PMEPA1: variants seen among roughly 807,000 people sequenced by gnomAD.
The protein encoded by PMEPA1 is prostate transmembrane protein, androgen induced 1.
In PMEPA1, 11 loss-of-function variants were observed where a neutral mutation model predicts 23.0. The observed-to-expected ratio is 0.48, with a 90% CI of 0.30 to 0.79. The LOEUF (loss-of-function observed/expected upper bound fraction) is 0.79. Among genes scored for constraint, PMEPA1 ranks in the 30% least tolerant of loss-of-function variants. The pLI, the probability that PMEPA1 is intolerant of heterozygous loss-of-function variation, is 0.06. For synonymous variants in PMEPA1, 204 were observed against 166.4 expected (o/e 1.23, Z -1.74); for missense variants, 377 against 390.9 (o/e 0.96, Z 0.30).
intron 1 of PMEPA1, among the ~76,000 whole-genome samples, chr20:57,705,543 C>T (rs533174821): frequency 2.6e-4 from 39 of 152,276 alleles, no homozygotes; most frequent in Middle Eastern, 3.4e-3. Context: ...AAGACGAAAA[C>T]GGGAAAACTT....
chr20:57,654,519 C>G (rs544413638), intron 2 of PMEPA1, among the ~76,000 whole-genome samples: 2 of 152,226 alleles, frequency 1.3e-5, no homozygotes, highest in East Asian at 3.9e-4. Context: ...TTAAGGAGGT[C>G]TTAACTGCCT....
rs1258123996 is a variant in PMEPA1, at chr20:57,656,971, G to A, written c.264+2572C>T. Among the ~76,000 whole-genome samples, 1 of 152,216 alleles carries A rather than the reference G, an allele frequency of 6.6e-6. No homozygotes were observed. Among genetic ancestry groups the A allele is most frequent in the South Asian group, 2.1e-4 (1 of 4,832 alleles). On this transcript the variant is annotated intron_variant, in intron 2 of 3. Transcript: ENST00000341744. This position sits in a 1 kb window ranked among gnomAD's most constrained non-coding sequence, Gnocchi z 4.7. ...GGGGAGCTGCCACATTCTGCTTTAGGCCTAGTGAGGCTCCACGTTTACCCA... is the reference window on the plus strand; with the variant it reads ...GGGGAGCTGCCACATTCTGCTTTAGACCTAGTGAGGCTCCACGTTTACCCA...
intron 1 of PMEPA1, among the ~76,000 whole-genome samples, chr20:57,668,639 C>T (rs2071526261): frequency 6.6e-6 from 1 of 152,214 alleles, no homozygotes; most frequent in Non-Finnish European, 1.5e-5. Context: ...CAGAGTGAAA[C>T]AGCAAACTCT....
intron 1 of PMEPA1, among the ~76,000 whole-genome samples, chr20:57,660,089 G>A (rs1020372094): frequency 1.3e-5 from 2 of 152,178 alleles, no homozygotes; most frequent in African/African-American, 2.4e-5. Flanking sequence ...GGAGCCCTGC[G>A]CACTGGCTCC....
At chr20:57,706,343 G>C (rs1435529695) in intron 1 of PMEPA1, among the ~76,000 whole-genome samples, 1 of 152,194 alleles carries the variant, frequency 6.6e-6, no homozygotes, top group East Asian at 1.9e-4. Context: ...AGATGAGGTT[G>C]CCAGGAAAAC....
intron 1 of PMEPA1, among the ~76,000 whole-genome samples, chr20:57,707,860 A>C (rs186638535): frequency 6.6e-4 from 100 of 152,286 alleles, no homozygotes; most frequent in African/African-American, 2.4e-3. Context: ...ACGTGTGCGA[A>C]CGTATTTTAA....
chr20:57,681,349 G>C (rs1341183576), intron 1 of PMEPA1, among the ~76,000 whole-genome samples: 5 of 152,158 alleles, frequency 3.3e-5, no homozygotes, highest in Admixed American at 3.3e-4. Context: ...ACCCTGCATG[G>C]GCCTCCTTCC....
At chr20:57,654,249 T>C (rs1367283193) in intron 2 of PMEPA1, among the ~76,000 whole-genome samples, 1 of 152,098 alleles carries the variant, frequency 6.6e-6, no homozygotes, top group African/African-American at 2.4e-5. Context: ...ATAACTGATA[T>C]GCAAATAAAT....
At chr20:57,707,613 G>A (rs1464034643) in intron 1 of PMEPA1, among the ~76,000 whole-genome samples, 1 of 151,624 alleles carries the variant, frequency 6.6e-6, no homozygotes, top group Non-Finnish European at 1.5e-5. Flanking sequence ...ATGGACTGAT[G>A]AGCCTAAGAA....
intron 1 of PMEPA1, among the ~76,000 whole-genome samples, chr20:57,686,453 C>A (rs2071802184): frequency 1.3e-5 from 2 of 152,168 alleles, no homozygotes; most frequent in Admixed American, 6.5e-5. Context: ...TGTTGTAAAG[C>A]CCAGACGCTG....
intron 1 of PMEPA1, among the ~76,000 whole-genome samples, chr20:57,665,817 G>T (rs2071484710): frequency 6.6e-6 from 1 of 152,172 alleles, no homozygotes; most frequent in South Asian, 2.1e-4. Flanking sequence ...CCCCTCAGGG[G>T]CTAACATGCG....
In PMEPA1 at chr20:57,662,716, C is replaced by G. The variant is rs372533135; in HGVS notation, c.110-3019G>C. ...TTGTGTAACACCCACGCCCCCCCAC[C>G]CCCGGGGCCTGCAATTCCCTGCCCC... On this transcript the variant is annotated intron_variant, in intron 1 of 3. Coordinates refer to ENST00000341744, the MANE Select transcript of PMEPA1 (RefSeq NM_020182.5). 8.2e-3 allele frequency among the ~76,000 whole-genome samples: 1,253 copies of G among 152,148 alleles called. 12 individuals carry two copies. The highest frequency in any genetic ancestry group is 0.024 in the African/African-American group (998 of 41,500).
chr20:57,708,652 C>T (rs531139914), intron 1 of PMEPA1, among the ~76,000 whole-genome samples: 4 of 152,258 alleles, frequency 2.6e-5, no homozygotes, highest in African/African-American at 9.6e-5. Flanking sequence ...CAGACAGAGG[C>T]TATTTATAGG....
At chr20:57,707,977 C>A (rs905749143) in intron 1 of PMEPA1, among the ~76,000 whole-genome samples, 6 of 152,240 alleles carry the variant, frequency 3.9e-5, no homozygotes, top group African/African-American at 1.4e-4. Flanking sequence ...TGGCACCTCG[C>A]TAGTCTGGCA....
chr20:57,656,449 T>C lies in PMEPA1; in HGVS notation c.264+3094A>G, dbSNP rs1024953553. On this transcript the variant is annotated intron_variant, in intron 2 of 3. Transcript: ENST00000341744. This position sits in a 1 kb window ranked among gnomAD's most constrained non-coding sequence, Gnocchi z 4.7. ...TCACCCCATCCAAGGCCTGAGTTCC[T>C]AGTCTGAGCAGGCCTTGGGCACAAA... Among the ~76,000 whole-genome samples, 2 of 151,974 alleles carry C rather than the reference T, an allele frequency of 1.3e-5. No individual in the cohort carries two copies. Among genetic ancestry groups the C allele is most frequent in the African/African-American group, 4.8e-5 (2 of 41,428 alleles).
In PMEPA1 at chr20:57,661,925, C is replaced by CT. The variant is rs1555879931; in HGVS notation, c.110-2229_110-2228insA. The stretch of plus-strand genomic sequence containing the variant: ...TCGGGCACTTTATGCATCTGTGCCA[C>CT]CCTCAGCGCGCCATTGTCTACACTG... On this transcript the variant is annotated intron_variant, in intron 1 of 3. Transcript: ENST00000341744. Among the ~76,000 whole-genome samples, 111 of 88,700 alleles carry CT rather than the reference C, an allele frequency of 1.3e-3. 1 individual carries two copies. Among genetic ancestry groups the CT allele is most frequent in the African/African-American group, 7.2e-3 (108 of 15,080 alleles). 58.2% of individuals were successfully genotyped at this position (88,700 alleles called of 152,430 possible). A position where few individuals can be genotyped will look rare whatever the true frequency, so the allele number is the denominator to read the frequency against.
chr20:57,690,344 GC>G, intron 1 of PMEPA1: 1 of 997,548 alleles, frequency 1.0e-6, no homozygotes, highest in Non-Finnish European at 1.4e-6. Flanking sequence ...CCCTGCATCA[GC>G]GCTACACATG....
rs1225750539 is a variant in PMEPA1 at position 57,682,591 on chromosome 20, A to G, written c.110-22894T>C. The stretch of plus-strand genomic sequence containing the variant: ...CCACCGCCCCACACCTGGAAGACGA[A>G]AGGACACGAGAAGGAGAGGCACAGC... On this transcript the variant is annotated intron_variant, in intron 1 of 3. Transcript: ENST00000341744. This position sits in a 1 kb window ranked among gnomAD's most constrained non-coding sequence, Gnocchi z 4.4. Among the ~76,000 whole-genome samples the G allele has an allele frequency of 6.6e-6, 1 of 152,148 alleles. No homozygotes were observed. Among genetic ancestry groups the G allele is most frequent in the Non-Finnish European group, 1.5e-5 (1 of 68,016 alleles).
intron 1 of PMEPA1, among the ~76,000 whole-genome samples, chr20:57,678,278 C>T (rs1015313700): frequency 6.6e-6 from 1 of 152,230 alleles, no homozygotes; most frequent in African/African-American, 2.4e-5. Context: ...AAGACGGTAC[C>T]ATTGGGGGAA....
Sources: gnomAD v4.1 joint callset for allele counts (sites outside exome capture counted in the v4.1 genomes callset) on GRCh38, gnomAD v4.1.1 for gene constraint, Gnocchi (gnomAD v3.1) non-coding constraint, MANE v1.5 for transcripts, NCBI Gene and HGNC (gene_info 2026-07-23, HGNC 2026-07-21) for gene names.